CACNA2D1: variants seen among roughly 807,000 people sequenced by gnomAD.
The protein encoded by CACNA2D1 is calcium voltage-gated channel auxiliary subunit alpha2delta 1.
CACNA2D1 carries 53 observed loss-of-function variants against 171.5 expected under a neutral mutation model. That is an observed-to-expected ratio of 0.31 (90% confidence interval 0.25 to 0.39). The LOEUF (loss-of-function observed/expected upper bound fraction) is 0.39. CACNA2D1 is among the 10% of genes least tolerant of loss of function. CACNA2D1 has a pLI of 1.00. For synonymous variants in CACNA2D1, 442 were observed against 443.1 expected (o/e 1.00, Z 0.03); for missense variants, 903 against 1,299.8 (o/e 0.69, Z 4.69).
intron 3 of CACNA2D1, among the ~76,000 whole-genome samples, chr7:82,208,220 T>C (rs1800204980): frequency 6.6e-6 from 1 of 152,202 alleles, no homozygotes; most frequent in South Asian, 2.1e-4. Context: ...TTAATAAATA[T>C]GCATTATATA....
intron 3 of CACNA2D1, among the ~76,000 whole-genome samples, chr7:82,267,180 A>C (rs1807976327): frequency 6.6e-6 from 1 of 152,190 alleles, no homozygotes; most frequent in Admixed American, 6.5e-5. Context: ...TAAAAATAGC[A>C]TTTATTTTTC....
chr7:82,166,375 TCTGTA>T (rs1795455174), intron 4 of CACNA2D1, among the ~76,000 whole-genome samples: 1 of 152,030 alleles, frequency 6.6e-6, no homozygotes, highest in Non-Finnish European at 1.5e-5. Context: ...TTTCTAGACG[TCTGTA>T]CTCTGCCTGC....
chr7:82,059,553 G>A (rs554247875), intron 10 of CACNA2D1, among the ~76,000 whole-genome samples: 133 of 152,110 alleles, frequency 8.7e-4, no homozygotes, highest in Non-Finnish European at 1.7e-3. Flanking sequence ...GTGTCCGTGA[G>A]TAAAGGGGCT....
At chr7:81,965,383 T>C (rs1168263292) in intron 32 of CACNA2D1, among the ~76,000 whole-genome samples, 1 of 151,942 alleles carries the variant, frequency 6.6e-6, no homozygotes, top group Admixed American at 6.6e-5. Flanking sequence ...GTTTTAATGA[T>C]ACCAGTACTA....
At chr7:82,254,865 A>C (rs925311542) in intron 3 of CACNA2D1, among the ~76,000 whole-genome samples, 15 of 152,186 alleles carry the variant, frequency 9.9e-5, no homozygotes, top group Non-Finnish European at 1.5e-5. Flanking sequence ...CATAGGGTAC[A>C]GTTCATTACC....
At chr7:82,396,305 G>A (rs1825753890) in intron 1 of CACNA2D1, among the ~76,000 whole-genome samples, 4 of 152,126 alleles carry the variant, frequency 2.6e-5, no homozygotes, top group Middle Eastern at 3.4e-3. Flanking sequence ...GCAACACAGC[G>A]AGACCCCATC....
At chr7:82,182,812 C>A (rs150537208) in intron 3 of CACNA2D1, among the ~76,000 whole-genome samples, 1 of 151,786 alleles carries the variant, frequency 6.6e-6, no homozygotes, top group Non-Finnish European at 1.5e-5. Flanking sequence ...ATGAGGAGGG[C>A]GGATCACGAA....
intron 6 of CACNA2D1, 32 bp from the exon 7 acceptor site, chr7:82,084,932 T>A (rs767353335): frequency 6.4e-7 from 1 of 1,560,112 alleles, no homozygotes; most frequent in Non-Finnish European, 8.8e-7. Context: ...ATTAATTAAT[T>A]CAAATTTGTA....
In CACNA2D1 at chr7:82,071,093, G is replaced by A. The variant is rs547459119; in HGVS notation, c.659-4569C>T. Reference sequence around the variant, plus strand: ...TTGTTGTTGATGTTGTGTTACTAACGAAACCACAAACCTGATCTGCGGCAA... The same window carrying A: ...TTGTTGTTGATGTTGTGTTACTAACAAAACCACAAACCTGATCTGCGGCAA... On this transcript the variant is annotated intron_variant, in intron 7 of 38. Transcript: ENST00000356860. 1.2e-4 allele frequency among the ~76,000 whole-genome samples: 18 copies of A among 152,240 alleles called. No individual in the cohort carries two copies. In the East Asian group the frequency reaches 2.7e-3, roughly 23 times the overall value.
At chr7:82,429,541 C>A (rs963555111) in intron 1 of CACNA2D1, among the ~76,000 whole-genome samples, 1 of 152,138 alleles carries the variant, frequency 6.6e-6, no homozygotes. Context: ...GACTTGCAAC[C>A]TTCAAATGGC....
chr7:82,410,572 G>A (rs1257913730), intron 1 of CACNA2D1: 3 of 966,156 alleles, frequency 3.1e-6, no homozygotes, highest in Non-Finnish European at 2.5e-6. Flanking sequence ...GCTGGCTTGC[G>A]ACACTTAGGA....
chr7:82,237,715 T>A (rs73164237), intron 3 of CACNA2D1, among the ~76,000 whole-genome samples: 1 of 152,102 alleles, frequency 6.6e-6, no homozygotes, highest in Non-Finnish European at 1.5e-5. Flanking sequence ...AACCTATAAG[T>A]AACTTACAAA....
At position 82,258,817 on chromosome 7, in the gene CACNA2D1, C is replaced by CTTTTTTTTTTTTTTTTTT. The variant is rs201927487; in HGVS notation, c.294+76300_294+76317dup. ...ATTTCTTTCTTTCTTTCTTACTTTTCTTTTTTTTTTTTTTTTTTTTTTGAG... is the reference window on the plus strand; with the variant it reads ...ATTTCTTTCTTTCTTTCTTACTTTTCTTTTTTTTTTTTTTTTTTTTTTTTTTTTTTTTTTTTTTTTGAG... On this transcript the variant is annotated intron_variant, in intron 3 of 38. Coordinates refer to ENST00000356860, the MANE Select transcript of CACNA2D1 (RefSeq NM_000722.4). Among the ~76,000 whole-genome samples the CTTTTTTTTTTTTTTTTTT allele has an allele frequency of 6.5e-4, 47 of 72,620 alleles. 2 individuals carry two copies. The highest frequency in any genetic ancestry group is 8.1e-4 in the Non-Finnish European group (31 of 38,352). The allele number at this position is 72,620 out of a possible 152,430, so 47.6% of individuals were successfully genotyped here. A position where few individuals can be genotyped will look rare whatever the true frequency, so the allele number is the denominator to read the frequency against.
intron 14 of CACNA2D1, among the ~76,000 whole-genome samples, chr7:82,012,465 T>C (rs988953220): frequency 7.9e-5 from 12 of 152,154 alleles, no homozygotes; most frequent in Non-Finnish European, 1.3e-4. Flanking sequence ...TTATACAATA[T>C]ATCTACCCCA....
chr7:82,008,676 C>T (rs1003981146), intron 15 of CACNA2D1, among the ~76,000 whole-genome samples: 7 of 152,170 alleles, frequency 4.6e-5, no homozygotes, highest in South Asian at 2.1e-4. Flanking sequence ...AATCTTCTCA[C>T]GAATAGTGAT....
chr7:82,034,925 T>G (rs1803121065), intron 11 of CACNA2D1, among the ~76,000 whole-genome samples: 1 of 152,076 alleles, frequency 6.6e-6, no homozygotes, highest in African/African-American at 2.4e-5. Context: ...TGTTTTGCCT[T>G]CAACATGATT....
At chr7:82,060,338 T>C in intron 10 of CACNA2D1, 90 bp downstream of exon 10, 2 of 828,220 alleles carry the variant, frequency 2.4e-6, no homozygotes, top group Non-Finnish European at 4.0e-6. Flanking sequence ...TGTCTCAGCC[T>C]CTATAAGATA....
At chr7:82,393,154 G>A (rs1825381324) in intron 1 of CACNA2D1, among the ~76,000 whole-genome samples, 1 of 148,148 alleles carries the variant, frequency 6.8e-6, no homozygotes, top group Non-Finnish European at 1.5e-5. Flanking sequence ...AGGGAGGCAG[G>A]CAGGGAGGGA....
chr7:82,277,251 G>A (rs189358682), intron 3 of CACNA2D1, among the ~76,000 whole-genome samples: 76 of 151,480 alleles, frequency 5.0e-4, no homozygotes, highest in African/African-American at 1.7e-3. Context: ...CGCCCAGGCT[G>A]TAGTGCAGTG....
Sources: allele counts gnomAD v4.1 joint callset (sites outside exome capture counted in the v4.1 genomes callset), GRCh38; gene constraint gnomAD v4.1.1; transcripts MANE v1.5; gene names NCBI Gene and HGNC (gene_info 2026-07-23, HGNC 2026-07-21).